Variants in PDE4D observed in about 807,000 individuals in gnomAD.
The protein encoded by PDE4D is phosphodiesterase 4D, also known as 3',5'-cyclic-AMP phosphodiesterase 4D.
Under a neutral mutation model 87.4 loss-of-function variants are expected in PDE4D, and 24 were observed. The ratio of observed to expected loss-of-function variants is 0.27; its 90% CI spans 0.20 to 0.39. The LOEUF (loss-of-function observed/expected upper bound fraction) is 0.39. PDE4D is among the 10% of genes least tolerant of loss of function. The pLI, the probability that PDE4D is intolerant of heterozygous loss-of-function variation, is 1.00. For missense variants in PDE4D, 714 were observed against 1,041.0 expected (o/e 0.69, Z 4.32); for synonymous variants, 384 against 383.2 (o/e 1.00, Z -0.02).
chr5:59,150,776 T>C (rs902627717), intron 5 of PDE4D, among the ~76,000 whole-genome samples: 20 of 152,122 alleles, frequency 1.3e-4, no homozygotes, highest in African/African-American at 4.1e-4. Context: ...AGGCTCAAGT[T>C]GCAATTATAA....
intron 1 of PDE4D, among the ~76,000 whole-genome samples, chr5:59,513,915 G>T (rs531359190): frequency 3.3e-5 from 5 of 152,034 alleles, no homozygotes; most frequent in African/African-American, 4.8e-5. Context: ...AACTTAGAGC[G>T]AAAGTCAGTA....
intron 1 of PDE4D, among the ~76,000 whole-genome samples, chr5:59,421,903 T>A (rs1380487356): frequency 6.6e-6 from 1 of 152,210 alleles, no homozygotes; most frequent in Non-Finnish European, 1.5e-5. Flanking sequence ...ATATCTATTA[T>A]GTACCAGGAC....
intron 1 of PDE4D, among the ~76,000 whole-genome samples, chr5:59,795,004 G>C (rs918752142): frequency 6.6e-6 from 1 of 152,122 alleles, no homozygotes; most frequent in African/African-American, 2.4e-5. Flanking sequence ...AGGAGCTTCT[G>C]TGTATCTGTG....
intron 1 of PDE4D, among the ~76,000 whole-genome samples, chr5:60,449,071 G>GCACACACACA (rs35440197): frequency 3.2e-5 from 3 of 95,062 alleles, no homozygotes; most frequent in Non-Finnish European, 4.3e-5. Context: ...AACTGCCCGC[G>GCACACACACA]CACACACACA....
chr5:60,261,672 A>C (rs1749659236), intron 1 of PDE4D, among the ~76,000 whole-genome samples: 1 of 152,152 alleles, frequency 6.6e-6, no homozygotes. Context: ...GATAATGCCC[A>C]AGGTTTAAAT....
intron 2 of PDE4D, among the ~76,000 whole-genome samples, chr5:60,034,244 T>C (rs1365847650): frequency 6.6e-6 from 1 of 152,208 alleles, no homozygotes; most frequent in Non-Finnish European, 1.5e-5. Context: ...TCATTTCCCA[T>C]TGCCCTTACA....
chr5:59,502,663 A>AGT (rs56100725), intron 1 of PDE4D, among the ~76,000 whole-genome samples: 9,118 of 135,102 alleles, frequency 0.067, 298 homozygotes, highest in African/African-American at 0.081. Flanking sequence ...TCCTTAAGGT[A>AGT]GTGTGTGTGT....
chr5:59,128,015 C>CGTGTGT (rs55796726), intron 5 of PDE4D, among the ~76,000 whole-genome samples: 28,101 of 144,122 alleles, frequency 0.19, 2,919 homozygotes, highest in Admixed American at 0.21. Context: ...CTTTCAGAGC[C>CGTGTGT]GTGTGTGTGT....
At chr5:60,082,287 T>C (rs768917921) in intron 2 of PDE4D, among the ~76,000 whole-genome samples, 1 of 152,182 alleles carries the variant, frequency 6.6e-6, no homozygotes, top group Non-Finnish European at 1.5e-5. Context: ...GAAATCCTGC[T>C]TCCTCTCTCT....
intron 1 of PDE4D, among the ~76,000 whole-genome samples, chr5:59,405,617 A>G (rs6874473): frequency 0.17 from 26,296 of 152,114 alleles, 3,054 homozygotes; most frequent in African/African-American, 0.32. Context: ...CATGTTACAG[A>G]TCTTGGAGGA....
intron 1 of PDE4D, among the ~76,000 whole-genome samples, chr5:59,804,642 A>C (rs1323491485): frequency 6.6e-6 from 1 of 152,206 alleles, no homozygotes; most frequent in East Asian, 1.9e-4. Flanking sequence ...AAATCTCACA[A>C]ACCTACTCAA....
chr5:60,426,666 A>G (rs891845418), intron 1 of PDE4D, among the ~76,000 whole-genome samples: 2 of 152,208 alleles, frequency 1.3e-5, no homozygotes, highest in African/African-American at 4.8e-5. Flanking sequence ...TGTACCCTAG[A>G]ACTTAAAGCA....
At position 59,163,775 on chromosome 5, in the gene PDE4D, A is replaced by G. The variant is rs538837744; in HGVS notation, c.808+16820T>C. Among the ~76,000 whole-genome samples, 3 of 152,326 alleles carry G rather than the reference A, an allele frequency of 2.0e-5. No homozygotes were observed. The South Asian group carries it at 6.2e-4, about 32-fold the overall frequency. ...TTTTCCCATATTTTAAATCTGCTGT[A>G]AAGGAAATAGTTGTTATGAGCAAAA... is the stretch of plus-strand genomic sequence containing the variant. On this transcript the variant is annotated intron_variant, in intron 5 of 14. Coordinates refer to ENST00000340635, the MANE Select transcript of PDE4D (RefSeq NM_001104631.2).
At chr5:59,937,993 G>T (rs1046457449) in intron 3 of PDE4D, among the ~76,000 whole-genome samples, 2 of 152,134 alleles carry the variant, frequency 1.3e-5, no homozygotes, top group Non-Finnish European at 2.9e-5. Flanking sequence ...GTTTAACAAC[G>T]TGCTTTTATT....
chr5:59,341,690 G>C (rs986473107), intron 1 of PDE4D, among the ~76,000 whole-genome samples: 7 of 152,210 alleles, frequency 4.6e-5, no homozygotes, highest in Non-Finnish European at 1.0e-4. Context: ...ATGTATGTAT[G>C]CATGGCGTAA....
intron 1 of PDE4D, among the ~76,000 whole-genome samples, chr5:59,575,680 A>G (rs1020871923): frequency 1.3e-5 from 2 of 152,176 alleles, no homozygotes; most frequent in Non-Finnish European, 2.9e-5. Flanking sequence ...AATTAATATT[A>G]AAAGCCGTAA....
intron 4 of PDE4D, among the ~76,000 whole-genome samples, chr5:59,183,192 C>T (rs1043194923): frequency 9.9e-5 from 15 of 152,162 alleles, no homozygotes; most frequent in Admixed American, 2.0e-4. Context: ...TGGTTTGAAT[C>T]AGTAATGGAG....
chr5:60,301,341 A>G (rs1316120232), intron 1 of PDE4D, among the ~76,000 whole-genome samples: 1 of 152,210 alleles, frequency 6.6e-6, no homozygotes, highest in Non-Finnish European at 1.5e-5. Context: ...CTTCCCATCC[A>G]TGAGCATGAA....
In PDE4D at chr5:60,155,995, G is replaced by A. The variant is rs16890542; in HGVS notation, c.42+29562C>T. Among the ~76,000 whole-genome samples the A allele has an allele frequency of 7.4e-3, 1,124 of 152,278 alleles. 12 individuals carry two copies. Among genetic ancestry groups the A allele is most frequent in the African/African-American group, 0.026 (1,069 of 41,564 alleles). The stretch of plus-strand genomic sequence containing the variant: ...AAGAATGAGGAACTTGTGTGCTCAA[G>A]CTGCTCAATTTAGGTACCAGGGTTG... On this transcript the variant is annotated intron_variant, in intron 2 of 16. Coordinates refer to the PDE4D transcript ENST00000502484.
Sources: gnomAD v4.1 joint callset for allele counts (sites outside exome capture counted in the v4.1 genomes callset) on GRCh38, gnomAD v4.1.1 for gene constraint, MANE v1.5 for transcripts, NCBI Gene and HGNC (gene_info 2026-07-23, HGNC 2026-07-21) for gene names.